LINC01488: variants seen among roughly 807,000 people sequenced by gnomAD.
The protein encoded by LINC01488 is CCND1-upstream intergenic DNA repair 1.
At chr11:69,491,244 G>A (rs1857213058) in exon 3 of LINC01488, 1 of 152,312 alleles carries the variant, frequency 6.6e-6, no homozygotes, top group African/African-American at 2.4e-5. Context: ...AGGAGTAGAT[G>A]GCCAGGTTGA....
chr11:69,484,519 G>A (rs1371303794), intron 1 of LINC01488, among the ~76,000 whole-genome samples: 1 of 152,194 alleles, frequency 6.6e-6, no homozygotes, highest in Non-Finnish European at 1.5e-5. Context: ...GCCTCCCAAG[G>A]ACACTTACAG....
chr11:69,490,538 G>C (rs1857204444), intron 2 of LINC01488: 1 of 152,246 alleles, frequency 6.6e-6, no homozygotes. Context: ...AAGCAGGTGA[G>C]AGCAGAGAGA....
intron 1 of LINC01488, among the ~76,000 whole-genome samples, chr11:69,483,866 G>T (rs531676279): frequency 6.6e-6 from 1 of 152,366 alleles, no homozygotes; most frequent in African/African-American, 2.4e-5. Context: ...GCCGAGGCGG[G>T]TGCCTCCCGG....
intron 1 of LINC01488, among the ~76,000 whole-genome samples, chr11:69,488,670 C>T (rs771290131): frequency 7.2e-5 from 11 of 152,372 alleles, no homozygotes; most frequent in South Asian, 2.1e-4. Context: ...ATCAGAGCCC[C>T]GTCGCAGGGA....
chr11:69,487,240 C>T (rs999090412), intron 1 of LINC01488, among the ~76,000 whole-genome samples: 13 of 151,920 alleles, frequency 8.6e-5, no homozygotes, highest in African/African-American at 3.1e-4. Context: ...AGGAGGAGAG[C>T]GGAGGATGGG....
At chr11:69,485,337 TG>T (rs1210997372) in intron 1 of LINC01488, among the ~76,000 whole-genome samples, 1 of 152,156 alleles carries the variant, frequency 6.6e-6, no homozygotes, top group African/African-American at 2.4e-5. Flanking sequence ...ATAAATGTGC[TG>T]GGGGCTCAGG....
chr11:69,481,958 G>A (rs1211540891), intron 1 of LINC01488, among the ~76,000 whole-genome samples: 2 of 152,016 alleles, frequency 1.3e-5, no homozygotes, highest in Admixed American at 1.3e-4. Flanking sequence ...TAGATGGATG[G>A]ATGGATGATT....
intron 1 of LINC01488, among the ~76,000 whole-genome samples, chr11:69,484,562 A>C (rs1269003001): frequency 6.6e-6 from 1 of 152,250 alleles, no homozygotes; most frequent in Non-Finnish European, 1.5e-5. Flanking sequence ...TCACAAAGGC[A>C]CAGCTTTTAA....
intron 1 of LINC01488, among the ~76,000 whole-genome samples, chr11:69,482,876 T>C (rs143227099): frequency 3.9e-5 from 6 of 152,264 alleles, no homozygotes; most frequent in African/African-American, 1.2e-4. Flanking sequence ...TTTCACAGGG[T>C]TGTTCCTCTA....
chr11:69,482,059 CT>C (rs1857052708), intron 1 of LINC01488, among the ~76,000 whole-genome samples: 1 of 151,240 alleles, frequency 6.6e-6, no homozygotes, highest in African/African-American at 2.4e-5. Flanking sequence ...TATTCTCATG[CT>C]GCTAACAAAG....
At chr11:69,486,436 T>C (rs1278853783) in intron 1 of LINC01488, among the ~76,000 whole-genome samples, 1 of 152,118 alleles carries the variant, frequency 6.6e-6, no homozygotes, top group African/African-American at 2.4e-5. Context: ...TCTCCCCAGG[T>C]GTTGCCTGAG....
At chr11:69,483,859 G>A (rs909014791) in intron 1 of LINC01488, among the ~76,000 whole-genome samples, 2 of 152,218 alleles carry the variant, frequency 1.3e-5, no homozygotes, top group South Asian at 2.1e-4. Flanking sequence ...GACAGCTGCC[G>A]AGGCGGGTGC....
chr11:69,484,493 T>C (rs964102096), intron 1 of LINC01488, among the ~76,000 whole-genome samples: 4 of 152,196 alleles, frequency 2.6e-5, no homozygotes, highest in African/African-American at 9.6e-5. Context: ...ATGTCACAAC[T>C]TCAGGTGACT....
intron 1 of LINC01488, chr11:69,488,208 C>G (rs1017100977): frequency 6.6e-6 from 1 of 152,428 alleles, no homozygotes; most frequent in Non-Finnish European, 1.5e-5. Flanking sequence ...CATCCCAGGC[C>G]TCTGTCCTTC....
intron 1 of LINC01488, among the ~76,000 whole-genome samples, chr11:69,485,254 G>A (rs889222777): frequency 2.0e-5 from 3 of 152,212 alleles, no homozygotes; most frequent in Admixed American, 6.5e-5. Context: ...GATGGAGCCA[G>A]GAGTTGGACC....
intron 1 of LINC01488, among the ~76,000 whole-genome samples, chr11:69,487,044 GC>G (rs1857133927): frequency 6.6e-6 from 1 of 152,248 alleles, no homozygotes; most frequent in Non-Finnish European, 1.5e-5. Flanking sequence ...GCCCCTGCCA[GC>G]GCGGCCCAGC....
At chr11:69,488,499 C>A (rs1002016984) in intron 1 of LINC01488, among the ~76,000 whole-genome samples, 1 of 152,238 alleles carries the variant, frequency 6.6e-6, no homozygotes, top group Admixed American at 6.5e-5. Flanking sequence ...GGGCACCAGA[C>A]CCAGGCCTCT....
chr11:69,488,796 G>A (rs987834547), intron 1 of LINC01488, among the ~76,000 whole-genome samples: 4 of 152,180 alleles, frequency 2.6e-5, no homozygotes, highest in Non-Finnish European at 5.9e-5. Context: ...ATGGGGAACC[G>A]GCAGCAAAGG....
chr11:69,486,585 G>T (rs551036102), intron 1 of LINC01488, among the ~76,000 whole-genome samples: 4 of 152,204 alleles, frequency 2.6e-5, no homozygotes, highest in South Asian at 4.1e-4. Context: ...AGGAGCAGTC[G>T]CCCTCCCCTC....
Sources: gnomAD v4.1 joint callset for allele counts (sites outside exome capture counted in the v4.1 genomes callset) on GRCh38, gnomAD v4.1.1 for gene constraint, MANE v1.5 for transcripts, NCBI Gene and HGNC (gene_info 2026-07-23, HGNC 2026-07-21) for gene names.